Variants in LMNB1 observed in about 807,000 individuals in gnomAD.
The protein encoded by LMNB1 is lamin-B1.
Under a neutral mutation model 67.1 loss-of-function variants are expected in LMNB1, and 23 were observed. The observed-to-expected ratio is 0.34, with a 90% confidence interval of 0.25 to 0.49. The LOEUF is 0.49. Among genes scored for constraint, LMNB1 ranks in the 20% least tolerant of loss-of-function variants. LMNB1 has a pLI of 0.99. For synonymous variants in LMNB1, 281 were observed against 282.9 expected (o/e 0.99, Z 0.07); for missense variants, 634 against 746.5 (o/e 0.85, Z 1.76).
At chr5:126,814,685 C>T (rs889280184) in intron 5 of LMNB1, among the ~76,000 whole-genome samples, 1 of 152,050 alleles carries the variant, frequency 6.6e-6, no homozygotes, top group South Asian at 2.1e-4. Context: ...ATTACAGGCA[C>T]GCGCTACCAC....
rs372016495 is a variant in LMNB1 at position 126,814,174 on chromosome 5, C to T, written c.939+2276C>T. ...CCTCCCAAAGTGTTGGGATTATAGG[C>T]GTGAGCCACTGCACCTGGCCTATAT... On this transcript the variant is annotated intron_variant, in intron 5 of 10. Coordinates refer to ENST00000261366, the MANE Select transcript of LMNB1 (RefSeq NM_005573.4). Among the ~76,000 whole-genome samples the T allele has an allele frequency of 1.4e-3, 217 of 152,298 alleles. 9 individuals are homozygous for T. The South Asian group carries it at 0.044, about 31-fold the overall frequency.
At chr5:126,805,888 C>T (rs562108418) in intron 3 of LMNB1, among the ~76,000 whole-genome samples, 192 bp downstream of exon 3, 4 of 152,118 alleles carry the variant, frequency 2.6e-5, no homozygotes, top group African/African-American at 4.8e-5. Flanking sequence ...GCTAAAAGAC[C>T]GCATTTGAGA....
intron 1 of LMNB1, among the ~76,000 whole-genome samples, chr5:126,802,200 A>G (rs565445446): frequency 1.9e-4 from 29 of 152,202 alleles, no homozygotes; most frequent in Non-Finnish European, 3.8e-4. Context: ...TTTTATGATG[A>G]GTAAAAAGTG....
intron 1 of LMNB1, among the ~76,000 whole-genome samples, chr5:126,790,225 C>T (rs992542392): frequency 3.0e-4 from 46 of 152,108 alleles, no homozygotes; most frequent in African/African-American, 1.0e-3. Flanking sequence ...TGTGCTTCAG[C>T]CTCTCCAGTA....
Position 126,832,787 on chromosome 5 carries a change from C to G in LMNB1, c.1705C>G (p.Leu569Val). The change falls in exon 10 of 11, where the codon CTT (leucine) becomes GTT (valine). Residue 569 changes from leucine to valine, a missense_variant. Coordinates refer to ENST00000261366, the MANE Select transcript of LMNB1 (RefSeq NM_005573.4). ...EAAGVVVEEE[L>V]FHQQGTPRAS... Reference sequence around the variant, plus strand: ...AGCTGGAGTGGTTGTTGAGGAAGAACTTTTCCACCAGCAGGTATTACTTTA... The same window carrying G: ...AGCTGGAGTGGTTGTTGAGGAAGAAGTTTTCCACCAGCAGGTATTACTTTA... 1 of 1,601,864 alleles carries G rather than the reference C, an allele frequency of 6.2e-7. No individual in the cohort carries two copies. The highest frequency in any genetic ancestry group is 8.5e-7 in the Non-Finnish European group (1 of 1,170,770).
intron 1 of LMNB1, among the ~76,000 whole-genome samples, chr5:126,794,144 C>CT (rs1234924055): frequency 6.6e-6 from 1 of 152,144 alleles, no homozygotes; most frequent in Non-Finnish European, 1.5e-5. Flanking sequence ...AGTCTGGTCT[C>CT]TAACTCCTGA....
At chr5:126,790,868 A>G (rs1017060958) in intron 1 of LMNB1, among the ~76,000 whole-genome samples, 3 of 151,924 alleles carry the variant, frequency 2.0e-5, no homozygotes, top group Non-Finnish European at 4.4e-5. Flanking sequence ...TAAAAGTACA[A>G]AAAATTAGCC....
chr5:126,820,585 G>T (rs1751840291), intron 6 of LMNB1, among the ~76,000 whole-genome samples: 1 of 152,082 alleles, frequency 6.6e-6, no homozygotes, highest in South Asian at 2.1e-4. Flanking sequence ...GAGTGCAGTG[G>T]TGTGATCTCA....
At position 126,805,613 on chromosome 5, in the gene LMNB1, G is replaced by T; in HGVS notation, c.559G>T (p.Glu187Ter). 6.2e-7 allele frequency: 1 copy of T among 1,611,418 alleles called. No individual in the cohort carries two copies. Among genetic ancestry groups the T allele is most frequent in the South Asian group, 1.1e-5 (1 of 90,962 alleles). Residue 187 changes from glutamate (E) to a stop codon, truncating the protein, a stop_gained, in exon 3 of 11, where the codon GAA becomes TAA. Transcript: ENST00000261366. LOFTEE classifies it high-confidence loss of function. ...LAAAKKQLAD[E>*]TLLKVDLENR... Reference sequence around the variant, plus strand: ...TGCAGCCAAAAAACAGTTAGCAGATGAAACTTTACTTAAAGTAGATTTGGA... The same window carrying T: ...TGCAGCCAAAAAACAGTTAGCAGATTAAACTTTACTTAAAGTAGATTTGGA...
chr5:126,792,567 A>ATTT lies in LMNB1; in HGVS notation c.360-12185_360-12183dup, dbSNP rs752371260. On this transcript the variant is annotated intron_variant, in intron 1 of 10. Transcript: ENST00000261366. ...GTGCAGGGAACAGAAAGCACTAGGG[A>ATTT]TTTTTTTTTTTTTTTTTTTTTTTTT... Among the ~76,000 whole-genome samples the ATTT allele has an allele frequency of 3.9e-4, 39 of 99,160 alleles. 3 individuals are homozygous for ATTT. Among genetic ancestry groups the ATTT allele is most frequent in the Middle Eastern group, 6.8e-3 (1 of 148 alleles). 65.1% of individuals were successfully genotyped at this position (99,160 alleles called of 152,430 possible). A position where few individuals can be genotyped will look rare whatever the true frequency, so the allele number is the denominator to read the frequency against.
rs187529090 is a variant in LMNB1, at chr5:126,819,932, G to A, written c.1160+790G>A. On this transcript the variant is annotated intron_variant, in intron 6 of 10. Transcript: ENST00000261366. Reference sequence around the variant, plus strand: ...GGCCAAGGCAGGCGGATCACATGAGGTCAGGAGTTCAAGACCAGCCTGGTC... The same window carrying A: ...GGCCAAGGCAGGCGGATCACATGAGATCAGGAGTTCAAGACCAGCCTGGTC... Among the ~76,000 whole-genome samples, 222 of 152,270 alleles carry A rather than the reference G, an allele frequency of 1.5e-3. 1 individual carries two copies. The highest frequency in any genetic ancestry group is 0.013 in the Admixed American group (205 of 15,290).
intron 6 of LMNB1, among the ~76,000 whole-genome samples, chr5:126,819,694 G>T (rs1214946043): frequency 6.6e-6 from 1 of 151,748 alleles, no homozygotes; most frequent in Non-Finnish European, 1.5e-5. Context: ...CACCATGTTG[G>T]CCAGGCTGGT....
chr5:126,832,710 G>GTACA lies in LMNB1; in HGVS notation c.1629_1632dup (p.Val545TyrfsTer4). 1 of 1,612,168 alleles carries GTACA rather than the reference G, an allele frequency of 6.2e-7. No homozygotes were observed. The highest frequency in any genetic ancestry group is 8.5e-7 in the Non-Finnish European group (1 of 1,178,570). On this transcript the variant is annotated frameshift_variant, in exon 10 of 11. Transcript: ENST00000261366. LOFTEE classifies it high-confidence loss of function. ...TGTTTTTAGGAGGTTGCTCAAAGAA[G>GTACA]TACAGTCTTTAAAACAACCATACCT...
Position 126,811,877 on chromosome 5 carries a change from G to C in LMNB1, c.918G>C (p.Gln306His). The change falls in exon 5 of 11, where the codon CAG (glutamine) becomes CAC (histidine). Residue 306 changes from glutamine (Q) to histidine (H), a missense_variant. Physicochemically the swap from Gln to His is conservative, Grantham distance 24 (BLOSUM62 0). Transcript: ENST00000261366. ...SRMRIESLSS[Q>H]LSNLQKESRA... ...TGAGAATTGAGAGCCTTTCATCCCA[G>C]CTTTCTAATCTACAGAAAGAGGTAA... 6.2e-7 allele frequency: 1 copy of C among 1,612,586 alleles called. No individual in the cohort carries two copies. The highest frequency in any genetic ancestry group is 1.3e-5 in the African/African-American group (1 of 75,010).
chr5:126,811,624 A>T, intron 4 of LMNB1, 149 bp from the exon 5 acceptor site: 6 of 596,898 alleles, frequency 1.0e-5, no homozygotes, highest in South Asian at 7.3e-5. Flanking sequence ...CATCATTCAC[A>T]CCATATCAGC....
chr5:126,819,818 G>A (rs1751815742), intron 6 of LMNB1, among the ~76,000 whole-genome samples: 4 of 152,188 alleles, frequency 2.6e-5, no homozygotes, highest in Admixed American at 2.6e-4. Context: ...TCTGGTCAAT[G>A]TATAAATATT....
intron 9 of LMNB1, among the ~76,000 whole-genome samples, chr5:126,829,397 A>C (rs1282289657): frequency 6.6e-6 from 1 of 151,896 alleles, no homozygotes; most frequent in African/African-American, 2.4e-5. Context: ...TCTTTCAAAA[A>C]AGTGCTCTTT....
Position 126,807,583 on chromosome 5 carries a change from T to C in LMNB1, c.642+1887T>C, listed in dbSNP as rs1367375259. 7.2e-5 allele frequency among the ~76,000 whole-genome samples: 11 copies of C among 152,248 alleles called. No homozygotes were observed. The South Asian group carries it at 2.3e-3, about 31-fold the overall frequency. ...TGTAGCAAGTGCTGTCATATAATTG[T>C]TACTAAGTGTTGCTTTGTTAAAGCA... is the stretch of plus-strand genomic sequence containing the variant. On this transcript the variant is annotated intron_variant, in intron 3 of 10. Coordinates refer to ENST00000261366, the MANE Select transcript of LMNB1 (RefSeq NM_005573.4).
upstream of LMNB1, chr5:126,776,628 G>A (rs972662493): frequency 1.3e-5 from 2 of 152,264 alleles, no homozygotes; most frequent in African/African-American, 4.8e-5. Context: ...CCAGCGGAGC[G>A]GGGGATAAGG....
Sources: allele counts gnomAD v4.1 joint callset (sites outside exome capture counted in the v4.1 genomes callset), GRCh38; gene constraint gnomAD v4.1.1; transcripts MANE v1.5; gene names NCBI Gene and HGNC (gene_info 2026-07-23, HGNC 2026-07-21).